LRP2: variants seen among roughly 807,000 people sequenced by gnomAD.
LRP2 encodes low-density lipoprotein receptor-related protein 2.
Under a neutral mutation model 531.0 loss-of-function variants are expected in LRP2, and 172 were observed. That is an observed-to-expected ratio of 0.32 (90% CI 0.29 to 0.37). LRP2 has a LOEUF of 0.37. Ranked by LOEUF, LRP2 falls within the 10% of genes least tolerant of loss-of-function variation. LRP2 has a pLI of 1.00. For missense variants in LRP2, 5,167 were observed against 5,868.3 expected, an observed-to-expected ratio of 0.88 and a Z score of 3.90; for synonymous variants, 1,992 against 2,027.6, an observed-to-expected ratio of 0.98 and a Z score of 0.47.
intron 71 of LRP2, 64 bp downstream of exon 71, chr2:169,142,610 T>C (rs1166817103): frequency 3.1e-6 from 5 of 1,607,028 alleles, no homozygotes; most frequent in Non-Finnish European, 4.3e-6. Flanking sequence ...GGGATTCTTC[T>C]GACTCCTGAA....
At chr2:169,326,664 T>G (rs1192151129) in intron 1 of LRP2, among the ~76,000 whole-genome samples, 1 of 151,570 alleles carries the variant, frequency 6.6e-6, no homozygotes, top group Admixed American at 6.6e-5. Flanking sequence ...GGAGCGTCTC[T>G]GCCTGGCCGC....
intron 63 of LRP2, among the ~76,000 whole-genome samples, chr2:169,158,856 A>C (rs1452876915): frequency 7.2e-5 from 3 of 41,722 alleles, no homozygotes; most frequent in African/African-American, 2.8e-4. Context: ...TAAAAAAAAA[A>C]CAAAAAAAAC....
intron 29 of LRP2, among the ~76,000 whole-genome samples, chr2:169,234,119 A>T (rs1223342134): frequency 6.6e-6 from 1 of 152,094 alleles, no homozygotes; most frequent in Non-Finnish European, 1.5e-5. Flanking sequence ...TCTTTTTTAA[A>T]TTGTTTTTAA....
At chr2:169,278,112 A>G (rs1683603068) in intron 12 of LRP2, among the ~76,000 whole-genome samples, 161 bp from the exon 13 acceptor site, 1 of 151,696 alleles carries the variant, frequency 6.6e-6, no homozygotes, top group Non-Finnish European at 1.5e-5. Context: ...TTTTTTAAAG[A>G]GACTGTGGGG....
intron 53 of LRP2, among the ~76,000 whole-genome samples, 191 bp downstream of exon 53, chr2:169,177,612 T>C (rs1177927389): frequency 6.6e-6 from 1 of 152,034 alleles, no homozygotes; most frequent in Non-Finnish European, 1.5e-5. Context: ...GAGTTCTAGG[T>C]AGTCTTTCCC....
intron 43 of LRP2, among the ~76,000 whole-genome samples, 199 bp downstream of exon 43, chr2:169,202,557 T>A (rs1688238095): frequency 6.6e-6 from 1 of 152,200 alleles, no homozygotes; most frequent in African/African-American, 2.4e-5. Context: ...ACCAGGATGA[T>A]GATTGTGCTT....
intron 33 of LRP2, among the ~76,000 whole-genome samples, chr2:169,221,078 A>C (rs1369018571): frequency 6.6e-6 from 1 of 152,184 alleles, no homozygotes; most frequent in Non-Finnish European, 1.5e-5. Context: ...ATGAGCTGAA[A>C]TCTCTGCCCT....
At chr2:169,193,138 G>A (rs1200935674) in intron 47 of LRP2, among the ~76,000 whole-genome samples, 3 of 152,112 alleles carry the variant, frequency 2.0e-5, no homozygotes, top group Non-Finnish European at 4.4e-5. Context: ...TATTAAGAGT[G>A]GCCAACCACT....
chr2:169,182,631 CA>C (rs1379135769), intron 50 of LRP2: 10 of 985,188 alleles, frequency 1.0e-5, no homozygotes, highest in Admixed American at 6.1e-5. Flanking sequence ...CCAGGCAGTG[CA>C]AAGGCTTAGC....
rs555595473 is a variant in LRP2, at chr2:169,246,696, G to A, written c.3190+9C>T. 1.2e-6 allele frequency: 2 copies of A among 1,614,078 alleles called. No individual in the cohort carries two copies. Among genetic ancestry groups the A allele is most frequent in the Middle Eastern group, 1.6e-4 (1 of 6,062 alleles). On this transcript the variant is annotated intron_variant, in intron 21 of 78. Coordinates refer to ENST00000649046, the MANE Select transcript of LRP2 (RefSeq NM_004525.3). ...TCCCAGGAAATATCGCCAGTGCATA[G>A]CTACTTACTAAGTGTGCCACATAGT...
intron 32 of LRP2, among the ~76,000 whole-genome samples, chr2:169,226,013 T>C (rs994185200): frequency 6.6e-6 from 1 of 152,206 alleles, no homozygotes; most frequent in Non-Finnish European, 1.5e-5. Context: ...ACTACTTTTA[T>C]CTTGAGTTTT....
rs756020271 is a variant in LRP2 at position 169,185,489 on chromosome 2, C to G, written c.9845+14G>C. On this transcript the variant is annotated intron_variant, in intron 50 of 78. Coordinates refer to ENST00000649046, the MANE Select transcript of LRP2 (RefSeq NM_004525.3). ...AATTTTTAACTTTTAAAAAGCTCAT[C>G]AGTGTTTTCTTACCTGGAAACCCAG... is the stretch of plus-strand genomic sequence containing the variant. 6.2e-7 allele frequency: 1 copy of G among 1,612,356 alleles called. No individual in the cohort carries two copies. The highest frequency in any genetic ancestry group is 1.1e-5 in the South Asian group (1 of 91,030).
At chr2:169,152,735 G>A (rs1686189923) in intron 67 of LRP2, 64 bp downstream of exon 67, 2 of 1,569,206 alleles carry the variant, frequency 1.3e-6, no homozygotes, top group Non-Finnish European at 1.8e-6. Context: ...GGCCCATGGA[G>A]TGCAGTAGAG....
chr2:169,266,469 C>G (rs1055348211), intron 16 of LRP2, among the ~76,000 whole-genome samples: 3 of 152,020 alleles, frequency 2.0e-5, no homozygotes, highest in Non-Finnish European at 4.4e-5. Context: ...AGCCATTACT[C>G]TAGGTGTTTA....
intron 44 of LRP2, among the ~76,000 whole-genome samples, chr2:169,199,669 G>GAA (rs149257764): frequency 3.3e-5 from 5 of 151,516 alleles, no homozygotes; most frequent in African/African-American, 9.7e-5. Context: ...TAACCCTGCA[G>GAA]AAAAAAAAAT....
chr2:169,251,923 T>G (rs970299646), intron 19 of LRP2, among the ~76,000 whole-genome samples: 1 of 36,048 alleles, frequency 2.8e-5, no homozygotes, highest in Non-Finnish European at 4.5e-5. Context: ...ACATACACTC[T>G]CCCAAGACTA....
chr2:169,274,551 A>G (rs1404164294), intron 14 of LRP2, among the ~76,000 whole-genome samples: 1 of 152,230 alleles, frequency 6.6e-6, no homozygotes, highest in Non-Finnish European at 1.5e-5. Flanking sequence ...CCTATGACAG[A>G]TTAATCAGAA....
In LRP2 at chr2:169,137,481, C is replaced by T; in HGVS notation, c.13531G>A (p.Val4511Ile). The T allele has an allele frequency of 6.2e-7, 1 of 1,606,588 alleles. No individual in the cohort carries two copies. Among genetic ancestry groups the T allele is most frequent in the Non-Finnish European group, 8.5e-7 (1 of 1,173,502 alleles). Residue 4511 changes from valine to isoleucine, a missense_variant, in exon 76 of 79, where the codon GTC becomes ATC. Val to Ile is a conservative substitution (Grantham distance 29). Transcript: ENST00000649046. ...DRSMAMSEDF[V>I]MEMGKQPIIF... ...ATGGGCTGCTTCCCCATTTCCATGA[C>T]AAAGTCTTCACTCTGATGGCAGAGA...
intron 44 of LRP2, among the ~76,000 whole-genome samples, 198 bp downstream of exon 44, chr2:169,201,430 A>G (rs1016462271): frequency 1.8e-4 from 27 of 152,350 alleles, no homozygotes; most frequent in African/African-American, 5.8e-4. Flanking sequence ...ACTTTAAAAT[A>G]CTAGAAAAAA....
Sources: gnomAD v4.1 joint callset for allele counts (sites outside exome capture counted in the v4.1 genomes callset) on GRCh38, gnomAD v4.1.1 for gene constraint, MANE v1.5 for transcripts, NCBI Gene and HGNC (gene_info 2026-07-23, HGNC 2026-07-21) for gene names.